Variants in CASR observed in about 807,000 individuals in gnomAD.
CASR encodes extracellular calcium-sensing receptor.
In CASR, 23 loss-of-function variants were observed where a neutral mutation model predicts 69.1. That is an observed-to-expected ratio of 0.33 (90% CI 0.24 to 0.47). The LOEUF (loss-of-function observed/expected upper bound fraction) is 0.47, where lower values mean the gene tolerates loss of function less well. Ranked by LOEUF, CASR falls within the 20% of genes least tolerant of loss-of-function variation. CASR has a pLI of 1.00. For synonymous variants in CASR, 541 were observed against 544.7 expected, an observed-to-expected ratio of 0.99 and a Z score of 0.10; for missense variants, 924 against 1,356.1, an observed-to-expected ratio of 0.68 and a Z score of 5.00.
At position 122,261,979 on chromosome 3, in the gene CASR, G is replaced by A. The variant is rs1389231880; in HGVS notation, c.944G>A (p.Gly315Asp). 1.2e-6 allele frequency: 2 copies of A among 1,614,218 alleles called. No homozygotes were observed. Among genetic ancestry groups the A allele is most frequent in the South Asian group, 1.1e-5 (1 of 91,078 alleles). Residue 315 changes from glycine (G) to aspartate (D), a missense_variant, in exon 4 of 7, where the codon GGC becomes GAC. By Grantham distance (94) the Gly-to-Asp change is moderately conservative. Coordinates refer to ENST00000639785, the MANE Select transcript of CASR (RefSeq NM_000388.4). ...IAMPQYFHVV[G>D]GTIGFALKAG... ...ATGCCTCAGTACTTCCACGTGGTTGGCGGCACCATTGGATTCGCTCTGAAG... is the reference window on the plus strand; with the variant it reads ...ATGCCTCAGTACTTCCACGTGGTTGACGGCACCATTGGATTCGCTCTGAAG...
chr3:122,260,639 T>G (rs2074608905), intron 3 of CASR, among the ~76,000 whole-genome samples: 2 of 151,138 alleles, frequency 1.3e-5, no homozygotes. Context: ...TGTATACATA[T>G]GTAACAAACC....
chr3:122,281,955 A>G (rs2074893542), intron 5 of CASR, 158 bp from the exon 6 acceptor site: 1 of 916,972 alleles, frequency 1.1e-6, no homozygotes, highest in African/African-American at 1.6e-5. Flanking sequence ...ATCAGAACCA[A>G]GGACCTCTGG....
At position 122,284,792 on chromosome 3, in the gene CASR, G is replaced by A. The variant is rs774889993; in HGVS notation, c.2838G>A (p.Gln946=). The change falls in exon 7 of 7, where the codon CAG becomes CAA. Residue 946 remains glutamine, a synonymous_variant. Coordinates refer to ENST00000639785, the MANE Select transcript of CASR (RefSeq NM_000388.4). The part of the protein sequence containing the change: ...LALTQQEQQQ[Q]PLTLPQQQRS... ...TAACCCAGCAAGAGCAGCAGCAGCAGCCCCTGACCCTCCCACAGCAGCAAC... is the reference window on the plus strand; with the variant it reads ...TAACCCAGCAAGAGCAGCAGCAGCAACCCCTGACCCTCCCACAGCAGCAAC... The A allele has an allele frequency of 3.3e-5, 54 of 1,614,068 alleles. No individual in the cohort carries two copies. Among genetic ancestry groups the A allele is most frequent in the Non-Finnish European group, 4.3e-5 (51 of 1,180,048 alleles).
chr3:122,254,063 T>C lies in CASR; in HGVS notation c.-127T>C. The C allele has an allele frequency of 1.2e-6, 1 of 867,532 alleles. No homozygotes were observed. The highest frequency in any genetic ancestry group is 2.0e-6 in the Non-Finnish European group (1 of 511,204). 53.7% of individuals were successfully genotyped at this position (867,532 alleles called of 1,614,324 possible). A position where few individuals can be genotyped will look rare whatever the true frequency, so the allele number is the denominator to read the frequency against. On this transcript the variant is annotated 5_prime_UTR_variant, in exon 2 of 7. Coordinates refer to ENST00000639785, the MANE Select transcript of CASR (RefSeq NM_000388.4). ...GAGATTCAAACACCACGTCTTCTAT[T>C]ATTTTATTAATCAATCTGTAGACAT...
At chr3:122,263,971 A>C (rs887938257) in intron 4 of CASR, among the ~76,000 whole-genome samples, 7 of 152,178 alleles carry the variant, frequency 4.6e-5, no homozygotes, top group Non-Finnish European at 1.0e-4. Context: ...CAGTTCTTGA[A>C]AAAACTGCAA....
intron 1 of CASR, among the ~76,000 whole-genome samples, chr3:122,205,555 T>C (rs1250822495): frequency 6.6e-6 from 1 of 152,102 alleles, no homozygotes; most frequent in Non-Finnish European, 1.5e-5. Context: ...TCAGGGTCTT[T>C]TGTAGTTCCT....
chr3:122,268,539 T>C (rs1227794374), intron 4 of CASR, among the ~76,000 whole-genome samples: 1 of 152,182 alleles, frequency 6.6e-6, no homozygotes. Context: ...TCAACAATTG[T>C]CCTGACACCT....
At chr3:122,190,278 G>A (rs1402138944) in intron 1 of CASR, among the ~76,000 whole-genome samples, 1 of 152,194 alleles carries the variant, frequency 6.6e-6, no homozygotes, top group East Asian at 1.9e-4. Context: ...TTCGGGGAAA[G>A]GTAGTGAGGA....
At chr3:122,214,040 A>G (rs1184748677) in intron 1 of CASR, among the ~76,000 whole-genome samples, 1 of 152,174 alleles carries the variant, frequency 6.6e-6, no homozygotes, top group Non-Finnish European at 1.5e-5. Flanking sequence ...CTCCAAGGTG[A>G]CTGCTGAAAG....
rs1176435438 is a variant in CASR at position 122,268,857 on chromosome 3, A to G, written c.1377+6445A>G. Among the ~76,000 whole-genome samples the G allele has an allele frequency of 2.0e-5, 3 of 152,354 alleles. No individual in the cohort carries two copies. In the South Asian group the frequency reaches 6.2e-4, roughly 32 times the overall value. ...AGAGAAGTGGTCAGAAAACTCTCAC[A>G]CAAGAAACCACAGTAATGCTGACTT... On this transcript the variant is annotated intron_variant, in intron 4 of 6. Coordinates refer to ENST00000639785, the MANE Select transcript of CASR (RefSeq NM_000388.4).
chr3:122,202,220 C>T (rs1474589547), intron 1 of CASR, among the ~76,000 whole-genome samples: 1 of 152,358 alleles, frequency 6.6e-6, no homozygotes, highest in East Asian at 1.9e-4. Flanking sequence ...AGCTGGAGAC[C>T]AGCCCGGCCA....
At chr3:122,270,021 T>C (rs910780374) in intron 4 of CASR, among the ~76,000 whole-genome samples, 3 of 152,074 alleles carry the variant, frequency 2.0e-5, no homozygotes, top group African/African-American at 7.2e-5. Context: ...TTTGTATGTT[T>C]AGTAGAGATG....
intron 4 of CASR, among the ~76,000 whole-genome samples, chr3:122,272,095 A>G (rs1340515416): frequency 2.4e-5 from 2 of 83,666 alleles, no homozygotes; most frequent in African/African-American, 8.6e-5. Flanking sequence ...AGGAATGCAC[A>G]CACACACACA....
intron 1 of CASR, among the ~76,000 whole-genome samples, chr3:122,200,820 T>G (rs967070792): frequency 2.0e-5 from 3 of 152,172 alleles, no homozygotes; most frequent in Non-Finnish European, 4.4e-5. Flanking sequence ...CCATTTAAAC[T>G]TGTTCATTAG....
chr3:122,260,574 C>T (rs1177087459), intron 3 of CASR, among the ~76,000 whole-genome samples: 1 of 152,104 alleles, frequency 6.6e-6, no homozygotes, highest in Non-Finnish European at 1.5e-5. Flanking sequence ...ATGCGACCTT[C>T]AAAAGTGGGT....
chr3:122,237,642 G>C (rs952994727), intron 1 of CASR, among the ~76,000 whole-genome samples: 1 of 152,208 alleles, frequency 6.6e-6, no homozygotes, highest in Non-Finnish European at 1.5e-5. Context: ...AAGAAACTCA[G>C]AAGATTACAT....
At chr3:122,190,170 T>C (rs1223792157) in intron 1 of CASR, among the ~76,000 whole-genome samples, 1 of 152,154 alleles carries the variant, frequency 6.6e-6, no homozygotes, top group Non-Finnish European at 1.5e-5. Context: ...CATCCAATCA[T>C]GCACTCCTTT....
intron 1 of CASR, among the ~76,000 whole-genome samples, chr3:122,236,517 G>A (rs2074330536): frequency 6.6e-6 from 1 of 152,070 alleles, no homozygotes; most frequent in South Asian, 2.1e-4. Flanking sequence ...AATTCAGTTT[G>A]AACATTTTCA....
At chr3:122,265,659 A>C (rs1330737790) in intron 4 of CASR, among the ~76,000 whole-genome samples, 2 of 152,206 alleles carry the variant, frequency 1.3e-5, no homozygotes, top group South Asian at 2.1e-4. Context: ...CACTGTGGCC[A>C]AGGTATTCTA....
Sources: gnomAD v4.1 joint callset for allele counts (sites outside exome capture counted in the v4.1 genomes callset) on GRCh38, gnomAD v4.1.1 for gene constraint, MANE v1.5 for transcripts, NCBI Gene and HGNC (gene_info 2026-07-23, HGNC 2026-07-21) for gene names.